SLC38A4: variants seen among roughly 807,000 people sequenced by gnomAD.
SLC38A4 encodes sodium-coupled neutral amino acid transporter 4.
In SLC38A4, 20 loss-of-function variants were observed where a neutral mutation model predicts 63.1. That is an observed-to-expected ratio of 0.32 (90% confidence interval 0.22 to 0.46). The LOEUF is 0.46. SLC38A4 is among the 20% of genes least tolerant of loss of function. The probability of loss-of-function intolerance (pLI) is 1.00; values close to 1 mark genes in which losing one functional copy is unlikely to be tolerated. For synonymous variants in SLC38A4, 230 were observed against 225.5 expected, an observed-to-expected ratio of 1.02 and a Z score of -0.18; for missense variants, 526 against 663.6, an observed-to-expected ratio of 0.79 and a Z score of 2.28.
chr12:46,800,533 G>T (rs766587414), intron 2 of SLC38A4, among the ~76,000 whole-genome samples: 1 of 151,878 alleles, frequency 6.6e-6, no homozygotes, highest in Non-Finnish European at 1.5e-5. Flanking sequence ...CCCTCCCAAT[G>T]TTAACTAAAA....
chr12:46,802,319 T>C (rs1309737375), intron 2 of SLC38A4, among the ~76,000 whole-genome samples: 1 of 152,112 alleles, frequency 6.6e-6, no homozygotes, highest in African/African-American at 2.4e-5. Context: ...TAATGCATGA[T>C]ACTTAATCTG....
chr12:46,819,318 G>A (rs1483691715), intron 1 of SLC38A4, among the ~76,000 whole-genome samples: 1 of 151,452 alleles, frequency 6.6e-6, no homozygotes, highest in Non-Finnish European at 1.5e-5. Flanking sequence ...GAGAGAGAGA[G>A]AGAATATGAG....
At chr12:46,802,046 C>T (rs1565673561) in intron 2 of SLC38A4, among the ~76,000 whole-genome samples, 1 of 151,988 alleles carries the variant, frequency 6.6e-6, no homozygotes, top group Non-Finnish European at 1.5e-5. Context: ...GGTCTTTTCC[C>T]ATTTCTGAAA....
chr12:46,807,821 T>A, intron 1 of SLC38A4, among the ~76,000 whole-genome samples: 1 of 151,792 alleles, frequency 6.6e-6, no homozygotes, highest in East Asian at 1.9e-4. Flanking sequence ...CTTTACATGG[T>A]TCTGTAATTA....
At position 46,794,661 on chromosome 12, in the gene SLC38A4, T is replaced by TA. The variant is rs905261868; in HGVS notation, c.-112-1479dup. Among the ~76,000 whole-genome samples the TA allele has an allele frequency of 2.3e-4, 35 of 151,444 alleles. 1 individual carries two copies. Among genetic ancestry groups the TA allele is most frequent in the Non-Finnish European group, 5.9e-5 (4 of 67,828 alleles). ...CACTCAAATTATAGCATGAAGAGAT[T>TA]AAAAAAAGAAAAATACAAATAAGAA... is the stretch of plus-strand genomic sequence containing the variant. On this transcript the variant is annotated intron_variant, in intron 2 of 16. Coordinates refer to ENST00000266579, the MANE Select transcript of SLC38A4 (RefSeq NM_018018.5).
chr12:46,831,478 ACCGCCCTGC>A (rs1446970571), intron 1 of SLC38A4, among the ~76,000 whole-genome samples: 1 of 152,000 alleles, frequency 6.6e-6, no homozygotes, highest in Non-Finnish European at 1.5e-5. Context: ...GCATTTCTGC[ACCGCCCTGC>A]CCTTCACTCC....
intron 14 of SLC38A4, among the ~76,000 whole-genome samples, chr12:46,771,704 A>G (rs1292636298): frequency 6.6e-6 from 1 of 152,070 alleles, no homozygotes; most frequent in Non-Finnish European, 1.5e-5. Context: ...GGTGGTGGAA[A>G]AGATCAGGAA....
intron 13 of SLC38A4, among the ~76,000 whole-genome samples, chr12:46,775,578 G>A (rs765880098): frequency 2.0e-5 from 3 of 151,878 alleles, no homozygotes; most frequent in Non-Finnish European, 2.9e-5. Context: ...TCCTGATGCA[G>A]GTTACAAACC....
chr12:46,805,493 G>A (rs983272114), intron 1 of SLC38A4, among the ~76,000 whole-genome samples: 14 of 151,966 alleles, frequency 9.2e-5, no homozygotes, highest in African/African-American at 3.4e-4. Flanking sequence ...GAAATATATG[G>A]TCTGCTCTCA....
At chr12:46,796,529 C>T (rs1939008861) in intron 2 of SLC38A4, among the ~76,000 whole-genome samples, 1 of 152,112 alleles carries the variant, frequency 6.6e-6, no homozygotes, top group Non-Finnish European at 1.5e-5. Context: ...TGTGTGGGCC[C>T]ATTTCACTGA....
chr12:46,799,255 C>G (rs1939079738), intron 2 of SLC38A4, among the ~76,000 whole-genome samples: 1 of 152,034 alleles, frequency 6.6e-6, no homozygotes, highest in Non-Finnish European at 1.5e-5. Context: ...GGTAGATGCC[C>G]CTTCACAAAT....
chr12:46,814,681 CG>C (rs1565677462), intron 1 of SLC38A4, among the ~76,000 whole-genome samples: 2 of 151,856 alleles, frequency 1.3e-5, no homozygotes, highest in Admixed American at 6.6e-5. Context: ...AAATATAAGA[CG>C]TTTTTAATCA....
chr12:46,768,037 A>G (rs1938333945), intron 16 of SLC38A4, among the ~76,000 whole-genome samples: 1 of 152,124 alleles, frequency 6.6e-6, no homozygotes, highest in Admixed American at 6.6e-5. Context: ...GGTATTGGAC[A>G]CTGCTATTTG....
At chr12:46,820,550 A>G (rs937559209) in intron 1 of SLC38A4, among the ~76,000 whole-genome samples, 4 of 151,996 alleles carry the variant, frequency 2.6e-5, no homozygotes, top group Non-Finnish European at 4.4e-5. Flanking sequence ...TTATGTATAT[A>G]CCACGTTTTC....
intron 1 of SLC38A4, among the ~76,000 whole-genome samples, chr12:46,815,016 A>G (rs1300581397): frequency 6.6e-6 from 1 of 151,762 alleles, no homozygotes; most frequent in African/African-American, 2.4e-5. Flanking sequence ...GTGTGGAGAA[A>G]TAGATCACGT....
intron 1 of SLC38A4, among the ~76,000 whole-genome samples, chr12:46,823,941 C>T (rs1363585945): frequency 1.3e-5 from 2 of 152,158 alleles, no homozygotes; most frequent in Non-Finnish European, 2.9e-5. Context: ...TTGAAGGGAC[C>T]TCTGGGAGAC....
chr12:46,822,424 T>C (rs1474226036), intron 1 of SLC38A4, among the ~76,000 whole-genome samples: 2 of 152,156 alleles, frequency 1.3e-5, no homozygotes, highest in African/African-American at 4.8e-5. Context: ...CCCTACCCCT[T>C]CTTATGACAG....
chr12:46,816,747 AT>A (rs1290378475), intron 1 of SLC38A4, among the ~76,000 whole-genome samples: 2 of 151,946 alleles, frequency 1.3e-5, no homozygotes, highest in Non-Finnish European at 2.9e-5. Flanking sequence ...ATGTATTCAC[AT>A]GGCTACTGAA....
chr12:46,776,489 C>T (rs1938527804), intron 13 of SLC38A4, among the ~76,000 whole-genome samples: 1 of 151,966 alleles, frequency 6.6e-6, no homozygotes, highest in African/African-American at 2.4e-5. Flanking sequence ...AAAGAGGAGG[C>T]AAATTCAAAC....
Sources: gnomAD v4.1 joint callset for allele counts (sites outside exome capture counted in the v4.1 genomes callset) on GRCh38, gnomAD v4.1.1 for gene constraint, MANE v1.5 for transcripts, NCBI Gene and HGNC (gene_info 2026-07-23, HGNC 2026-07-21) for gene names.